The following SPIDR variants were observed in gnomAD, a reference collection of about 807,000 sequenced individuals.
SPIDR encodes scaffold protein involved in DNA repair, also known as DNA repair-scaffolding protein.
A neutral mutation model predicts 104.6 loss-of-function variants in SPIDR; 93 were observed. The ratio of observed to expected loss-of-function variants is 0.89; its 90% confidence interval spans 0.75 to 1.06. SPIDR has a LOEUF of 1.06. SPIDR is among the 50% of genes least tolerant of loss of function. The pLI is 0.00. For synonymous variants in SPIDR, 431 were observed against 416.9 expected, an observed-to-expected ratio of 1.03 and a Z score of -0.41; for missense variants, 1,154 against 1,111.2, an observed-to-expected ratio of 1.04 and a Z score of -0.55.
chr8:47,323,596 CT>C (rs1324174694), intron 5 of SPIDR, among the ~76,000 whole-genome samples: 2 of 151,968 alleles, frequency 1.3e-5, no homozygotes, highest in Admixed American at 6.6e-5. Context: ...AGGTATTTAA[CT>C]TTTTTTTAGA....
intron 8 of SPIDR, among the ~76,000 whole-genome samples, chr8:47,446,095 CT>C (rs1554701417): frequency 6.6e-6 from 1 of 152,160 alleles, no homozygotes; most frequent in East Asian, 1.9e-4. Flanking sequence ...GTGAAACAGC[CT>C]TATATTTGAA....
intron 6 of SPIDR, among the ~76,000 whole-genome samples, chr8:47,405,535 TCTTTA>T (rs1402531980): frequency 3.9e-5 from 6 of 152,224 alleles, no homozygotes; most frequent in Non-Finnish European, 8.8e-5. Context: ...TCTTTATCCT[TCTTTA>T]CTTCTCCATA....
intron 17 of SPIDR, chr8:47,728,622 C>G (rs1342330106): frequency 3.8e-6 from 1 of 263,456 alleles, no homozygotes; most frequent in Non-Finnish European, 7.3e-6. Context: ...ACTTTCTCTT[C>G]CGGGCCAGGG....
rs778827754 is a variant in SPIDR, at chr8:47,700,452, C to T, written c.1735C>T (p.Pro579Ser). 2.5e-6 allele frequency: 4 copies of T among 1,614,214 alleles called. No individual in the cohort carries two copies. The highest frequency in any genetic ancestry group is 2.5e-6 in the Non-Finnish European group (3 of 1,180,052). Residue 579 changes from proline to serine, a missense_variant, in exon 12 of 20, where the codon CCT becomes TCT. Pro to Ser is a moderately conservative substitution (Grantham distance 74, BLOSUM62 -1). Transcript: ENST00000297423. ...LIDTLWPPAIPLKTPGRDQPC... is the reference protein window; with the variant it reads ...LIDTLWPPAISLKTPGRDQPC... ...TGACACCCTGTGGCCCCCAGCGATACCTCTGAAAACACCTGGCCGCGACCA... is the reference window on the plus strand; with the variant it reads ...TGACACCCTGTGGCCCCCAGCGATATCTCTGAAAACACCTGGCCGCGACCA...
intron 5 of SPIDR, among the ~76,000 whole-genome samples, chr8:47,359,674 A>G (rs563221087): frequency 2.6e-5 from 4 of 152,298 alleles, no homozygotes; most frequent in African/African-American, 9.6e-5. Flanking sequence ...TGATTATTCT[A>G]TAGCGGGTAG....
chr8:47,625,492 T>C (rs1460263497), intron 10 of SPIDR, among the ~76,000 whole-genome samples: 2 of 152,174 alleles, frequency 1.3e-5, no homozygotes, highest in African/African-American at 2.4e-5. Flanking sequence ...AAAACCCCAT[T>C]GTTTCAGCCC....
intron 10 of SPIDR, among the ~76,000 whole-genome samples, chr8:47,642,120 A>G (rs2069140182): frequency 6.6e-6 from 1 of 152,180 alleles, no homozygotes; most frequent in Non-Finnish European, 1.5e-5. Context: ...CAGTGACTTT[A>G]TGGGTCAAGA....
At position 47,295,024 on chromosome 8, in the gene SPIDR, T is replaced by C. The variant is rs782698922; in HGVS notation, c.525+994T>C. The stretch of plus-strand genomic sequence containing the variant: ...TCCCCTTCATTTCATTTTGGGTGGT[T>C]TCTGTTGCTACATCTTCTAGTTTAA... On this transcript the variant is annotated intron_variant, in intron 5 of 19. Transcript: ENST00000297423. Among the ~76,000 whole-genome samples the C allele has an allele frequency of 3.0e-4, 45 of 152,336 alleles. No homozygotes were observed. The South Asian group carries it at 9.3e-3, about 32-fold the overall frequency.
intron 8 of SPIDR, among the ~76,000 whole-genome samples, chr8:47,533,873 G>A (rs1477923631): frequency 6.6e-6 from 1 of 152,218 alleles, no homozygotes; most frequent in Admixed American, 6.5e-5. Flanking sequence ...TCCTCAAGGG[G>A]CTAAAAGCAG....
chr8:47,349,952 C>T (rs782484345), intron 5 of SPIDR, among the ~76,000 whole-genome samples: 8 of 152,188 alleles, frequency 5.3e-5, no homozygotes, highest in South Asian at 2.1e-4. Flanking sequence ...CGCCCTGCTT[C>T]GGCTCACACT....
At chr8:47,355,717 T>G (rs2054406596) in intron 5 of SPIDR, among the ~76,000 whole-genome samples, 1 of 152,230 alleles carries the variant, frequency 6.6e-6, no homozygotes, top group Non-Finnish European at 1.5e-5. Flanking sequence ...GAATGGAAGT[T>G]ACATGTTTTC....
chr8:47,524,988 G>T (rs1039938033), intron 8 of SPIDR, among the ~76,000 whole-genome samples: 1 of 152,116 alleles, frequency 6.6e-6, no homozygotes, highest in South Asian at 2.1e-4. Context: ...AGGTGTAAAG[G>T]CCACACTATG....
intron 8 of SPIDR, among the ~76,000 whole-genome samples, chr8:47,461,769 AT>A (rs552524596): frequency 2.0e-5 from 3 of 149,684 alleles, no homozygotes; most frequent in Non-Finnish European, 3.0e-5. Context: ...TGAAGTTGTG[AT>A]TTTTTTTTAA....
Position 47,735,557 on chromosome 8 carries a change from T to C in SPIDR, c.*107T>C, listed in dbSNP as rs1213382556. ...AACTATGGACACAGTGAACGTAGTT[T>C]ACGATCTTGAAATGAAACTTAGATT... On this transcript the variant is annotated 3_prime_UTR_variant, in exon 20 of 20. Transcript: ENST00000297423. 6.4e-7 allele frequency: 1 copy of C among 1,564,306 alleles called. No homozygotes were observed. The highest frequency in any genetic ancestry group is 8.7e-7 in the Non-Finnish European group (1 of 1,151,900).
At chr8:47,465,636 T>C (rs1246649202) in intron 8 of SPIDR, among the ~76,000 whole-genome samples, 1 of 152,102 alleles carries the variant, frequency 6.6e-6, no homozygotes, top group African/African-American at 2.4e-5. Context: ...TGAGGGAGGC[T>C]GAGGCAGGAG....
intron 3 of SPIDR, among the ~76,000 whole-genome samples, chr8:47,286,216 G>T (rs1437095098): frequency 6.6e-6 from 1 of 152,164 alleles, no homozygotes; most frequent in Non-Finnish European, 1.5e-5. Context: ...TCTCTGACTT[G>T]AGAGCTACGC....
At chr8:47,494,272 G>T (rs1259626706) in intron 8 of SPIDR, among the ~76,000 whole-genome samples, 3 of 151,584 alleles carry the variant, frequency 2.0e-5, no homozygotes, top group South Asian at 2.1e-4. Flanking sequence ...ACAAGTGTAA[G>T]CCACCATGCC....
chr8:47,540,576 C>T (rs1273753678), intron 8 of SPIDR, among the ~76,000 whole-genome samples: 2 of 152,164 alleles, frequency 1.3e-5, no homozygotes, highest in African/African-American at 4.8e-5. Context: ...TAGGAACTTT[C>T]TCTAACTACA....
rs141051213 is a variant in SPIDR, at chr8:47,396,855, G to A, written c.776+229G>A. On this transcript the variant is annotated intron_variant, in intron 6 of 19. Coordinates refer to ENST00000297423, the MANE Select transcript of SPIDR (RefSeq NM_001080394.4). ...GGTTATCAAATGTTATTGAGAGTCA[G>A]TGTTCTAGGTGCTGTGGAGACAAGT... Among the ~76,000 whole-genome samples the A allele has an allele frequency of 5.4e-4, 82 of 152,328 alleles. 1 individual carries two copies. The highest frequency in any genetic ancestry group is 1.8e-3 in the African/African-American group (76 of 41,580).
Sources: gnomAD v4.1 joint callset for allele counts (sites outside exome capture counted in the v4.1 genomes callset) on GRCh38, gnomAD v4.1.1 for gene constraint, MANE v1.5 for transcripts, NCBI Gene and HGNC (gene_info 2026-07-23, HGNC 2026-07-21) for gene names.